NAALAD2: variants seen among roughly 807,000 people sequenced by gnomAD.
NAALAD2 encodes N-acetylated alpha-linked acidic dipeptidase 2.
Under a neutral mutation model 95.6 loss-of-function variants are expected in NAALAD2, and 89 were observed. That is an observed-to-expected ratio of 0.93 (90% CI 0.78 to 1.11). NAALAD2 has a LOEUF of 1.11. Among genes scored for constraint, NAALAD2 ranks in the 50% least tolerant of loss-of-function variants. NAALAD2 has a pLI of 0.00. For missense variants in NAALAD2, 894 were observed against 872.4 expected (o/e 1.02, Z -0.31); for synonymous variants, 264 against 294.4 (o/e 0.90, Z 1.06).
intron 18 of NAALAD2, among the ~76,000 whole-genome samples, chr11:90,184,771 C>CTT (rs1555128261): frequency 1.3e-5 from 2 of 151,830 alleles, no homozygotes; most frequent in Non-Finnish European, 2.9e-5. Context: ...TTTTAATGCA[C>CTT]TTATATACAT....
At chr11:90,186,879 G>GT (rs1373570096) in intron 18 of NAALAD2, among the ~76,000 whole-genome samples, 1 of 136,886 alleles carries the variant, frequency 7.3e-6, no homozygotes, top group African/African-American at 2.7e-5. Context: ...TACCATCAGA[G>GT]TGAACAGGCA....
At chr11:90,191,323 C>T (rs1857319070) in intron 18 of NAALAD2, among the ~76,000 whole-genome samples, 1 of 149,556 alleles carries the variant, frequency 6.7e-6, no homozygotes, top group African/African-American at 2.6e-5. Context: ...TTTCTTCCAT[C>T]TGCTTTGGGT....
chr11:90,181,303 A>G (rs185273664), intron 16 of NAALAD2, among the ~76,000 whole-genome samples: 2 of 152,164 alleles, frequency 1.3e-5, no homozygotes, highest in African/African-American at 4.8e-5. Flanking sequence ...TGTCTAGCAT[A>G]CAGTTGTTGT....
intron 17 of NAALAD2, among the ~76,000 whole-genome samples, chr11:90,182,590 G>A (rs1224032700): frequency 6.6e-6 from 1 of 151,922 alleles, no homozygotes; most frequent in African/African-American, 2.4e-5. Flanking sequence ...GGAATAACTT[G>A]ATAGCTCACT....
Position 90,170,140 on chromosome 11 carries a change from T to A in NAALAD2, c.1410+4T>A. The A allele has an allele frequency of 6.5e-7, 1 of 1,540,086 alleles. No homozygotes were observed. The highest frequency in any genetic ancestry group is 9.0e-7 in the Non-Finnish European group (1 of 1,112,740). On this transcript the variant is annotated splice_donor_region_variant and intron_variant, in intron 13 of 18. Coordinates refer to ENST00000534061, the MANE Select transcript of NAALAD2 (RefSeq NM_005467.4). ...AGTGTATAAACTGACAAAAGAGGTATATAAGGAAATGTGTCTTCATATGTT... is the reference window on the plus strand; with the variant it reads ...AGTGTATAAACTGACAAAAGAGGTAAATAAGGAAATGTGTCTTCATATGTT...
chr11:90,176,138 G>C lies in NAALAD2; in HGVS notation c.1593+76G>C. 4 of 1,115,796 alleles carry C rather than the reference G, an allele frequency of 3.6e-6. No individual in the cohort carries two copies. In the South Asian group the frequency reaches 5.5e-5, roughly 15 times the overall value. The allele number at this position is 1,115,796 out of a possible 1,614,324, so 69.1% of individuals were successfully genotyped here. A position where few individuals can be genotyped will look rare whatever the true frequency, so the allele number is the denominator to read the frequency against. On this transcript the variant is annotated intron_variant, in intron 15 of 18. Coordinates refer to ENST00000534061, the MANE Select transcript of NAALAD2 (RefSeq NM_005467.4). ...GGCGAAGAATGTCACTGAGTTGTTTGGCACCAGACACCTGGTGGATGTGGC... is the reference window on the plus strand; with the variant it reads ...GGCGAAGAATGTCACTGAGTTGTTTCGCACCAGACACCTGGTGGATGTGGC...
At chr11:90,179,930 C>T (rs573448871) in intron 16 of NAALAD2, among the ~76,000 whole-genome samples, 1 of 152,206 alleles carries the variant, frequency 6.6e-6, no homozygotes, top group East Asian at 1.9e-4. Context: ...ATTAATTATT[C>T]TTATAGCTTT....
chr11:90,175,657 T>C (rs935170798), intron 14 of NAALAD2, among the ~76,000 whole-genome samples: 1 of 152,178 alleles, frequency 6.6e-6, no homozygotes, highest in African/African-American at 2.4e-5. Flanking sequence ...GCTGAAGATA[T>C]GATGGAGAGC....
intron 2 of NAALAD2, among the ~76,000 whole-genome samples, chr11:90,144,755 A>AAAAAAAAAAAAAAC (rs1951709818): frequency 1.1e-4 from 16 of 145,770 alleles, no homozygotes; most frequent in Admixed American, 1.0e-3. Context: ...AAAAAAAAAA[A>AAAAAAAAAAAAAAC]CGGAAAAGAA....
At chr11:90,158,003 G>A in intron 6 of NAALAD2, 142 bp from the exon 7 acceptor site, 1 of 620,042 alleles carries the variant, frequency 1.6e-6, no homozygotes, top group Non-Finnish European at 2.8e-6. Context: ...ACAGGTGTGA[G>A]CCACCACGCC....
chr11:90,134,617 G>T (rs1951407826), upstream of NAALAD2: 1 of 694,954 alleles, frequency 1.4e-6, no homozygotes, highest in East Asian at 2.7e-5. Flanking sequence ...GGTCCCCAGC[G>T]GGTAGGGCGG....
chr11:90,167,965 A>G (rs1442332112), intron 11 of NAALAD2, among the ~76,000 whole-genome samples: 2 of 152,080 alleles, frequency 1.3e-5, no homozygotes, highest in Non-Finnish European at 2.9e-5. Flanking sequence ...AGCAGTGGCA[A>G]CCCTCTGGGG....
intron 2 of NAALAD2, among the ~76,000 whole-genome samples, chr11:90,138,988 C>A (rs560193455): frequency 1.8e-4 from 27 of 151,962 alleles, no homozygotes; most frequent in African/African-American, 6.0e-4. Flanking sequence ...ACAGTCCTTT[C>A]CATAGAGTGC....
intron 2 of NAALAD2, among the ~76,000 whole-genome samples, chr11:90,145,253 C>T (rs905919156): frequency 1.3e-5 from 2 of 152,064 alleles, no homozygotes; most frequent in East Asian, 1.9e-4. Flanking sequence ...CGCTGTAATG[C>T]CCATCTTGGG....
chr11:90,134,070 A>G (rs1481694807), upstream of NAALAD2, among the ~76,000 whole-genome samples: 1 of 152,168 alleles, frequency 6.6e-6, no homozygotes, highest in East Asian at 1.9e-4. Flanking sequence ...CTCAGTAACT[A>G]CTGGCAGTGC....
intron 16 of NAALAD2, among the ~76,000 whole-genome samples, chr11:90,180,456 T>C (rs897924186): frequency 6.6e-6 from 1 of 152,098 alleles, no homozygotes; most frequent in Admixed American, 6.5e-5. Flanking sequence ...ATACTGAATA[T>C]ACTTATACTG....
At chr11:90,163,829 C>T (rs1952365558) in intron 11 of NAALAD2, 1 of 467,170 alleles carries the variant, frequency 2.1e-6, no homozygotes, top group East Asian at 3.3e-5. Flanking sequence ...GTTATTGCCT[C>T]TTGTCAAAAT....
intron 17 of NAALAD2, among the ~76,000 whole-genome samples, 156 bp downstream of exon 17, chr11:90,181,857 T>G (rs1321491548): frequency 6.6e-6 from 1 of 152,016 alleles, no homozygotes; most frequent in Admixed American, 6.6e-5. Flanking sequence ...GAGAACTTGT[T>G]AGAAAGGCAA....
At position 90,147,470 on chromosome 11, in the gene NAALAD2, A is replaced by T; in HGVS notation, c.335A>T (p.Glu112Val). ...GATGTCCTCTTATCTTACCCCAATGAGACAAATGCCAACTATATATCGATT... is the reference window on the plus strand; with the variant it reads ...GATGTCCTCTTATCTTACCCCAATGTGACAAATGCCAACTATATATCGATT... ...HYDVLLSYPN[E>V]TNANYISIVD... The change falls in exon 3 of 19, where the codon GAG (glutamate) becomes GTG (valine). Residue 112 changes from glutamate to valine, a missense_variant. By Grantham distance (121) the Glu-to-Val change is moderately radical. Coordinates refer to ENST00000534061, the MANE Select transcript of NAALAD2 (RefSeq NM_005467.4). 6.2e-7 allele frequency: 1 copy of T among 1,613,322 alleles called. No individual in the cohort carries two copies. The highest frequency in any genetic ancestry group is 8.5e-7 in the Non-Finnish European group (1 of 1,179,590).
Sources: allele counts gnomAD v4.1 joint callset (sites outside exome capture counted in the v4.1 genomes callset), GRCh38; gene constraint gnomAD v4.1.1; transcripts MANE v1.5; gene names NCBI Gene and HGNC (gene_info 2026-07-23, HGNC 2026-07-21).